OSBPL1A: variants seen among roughly 807,000 people sequenced by gnomAD.
OSBPL1A encodes oxysterol binding protein like 1A.
A neutral mutation model predicts 137.1 loss-of-function variants in OSBPL1A; 80 were observed. The ratio of observed to expected loss-of-function variants is 0.58; its 90% CI spans 0.49 to 0.70. The LOEUF (loss-of-function observed/expected upper bound fraction) is 0.70. OSBPL1A is among the 30% of genes least tolerant of loss of function. The pLI is 0.00. For synonymous variants in OSBPL1A, 365 were observed against 389.7 expected (o/e 0.94, Z 0.75); for missense variants, 970 against 1,129.4 (o/e 0.86, Z 2.02).
chr18:24,245,463 G>T (rs530573565), intron 15 of OSBPL1A, among the ~76,000 whole-genome samples: 8 of 152,218 alleles, frequency 5.3e-5, no homozygotes, highest in Non-Finnish European at 1.5e-5. Context: ...GTGCTTTTAG[G>T]TGACTCCCTG....
At chr18:24,294,312 A>T (rs1599628373) in intron 14 of OSBPL1A, among the ~76,000 whole-genome samples, 1 of 151,324 alleles carries the variant, frequency 6.6e-6, no homozygotes, top group African/African-American at 2.4e-5. Flanking sequence ...GCTCACTGCA[A>T]CCTCCTCCTC....
intron 18 of OSBPL1A, among the ~76,000 whole-genome samples, chr18:24,189,413 G>T (rs920446887): frequency 1.3e-5 from 2 of 152,140 alleles, no homozygotes; most frequent in Non-Finnish European, 2.9e-5. Flanking sequence ...GTGCTCCCCC[G>T]CGTGTGTGAC....
chr18:24,200,728 G>C (rs966608917), intron 17 of OSBPL1A, among the ~76,000 whole-genome samples: 2 of 151,906 alleles, frequency 1.3e-5, no homozygotes, highest in African/African-American at 4.8e-5. Context: ...ATAGCGTGGG[G>C]AACAAAAATT....
At chr18:24,196,222 A>G (rs2145945046) in intron 17 of OSBPL1A, 22 bp from the exon 18 acceptor site, 6 of 1,544,908 alleles carry the variant, frequency 3.9e-6, no homozygotes, top group Non-Finnish European at 5.3e-6. Flanking sequence ...AAAGAAAAAC[A>G]TAAAGTTCAT....
chr18:24,237,278 A>G (rs2088513441), intron 16 of OSBPL1A, among the ~76,000 whole-genome samples: 1 of 152,080 alleles, frequency 6.6e-6, no homozygotes, highest in Non-Finnish European at 1.5e-5. Context: ...TAGAACAAAC[A>G]TGGGGTTCTT....
At chr18:24,272,017 C>T (rs1463121367) in intron 15 of OSBPL1A, 7 of 981,668 alleles carry the variant, frequency 7.1e-6, no homozygotes, top group Non-Finnish European at 8.4e-6. Context: ...CGGGCGGCTC[C>T]CTGCGCGCGG....
intron 4 of OSBPL1A, among the ~76,000 whole-genome samples, chr18:24,351,785 C>T (rs762201073): frequency 2.3e-4 from 35 of 152,268 alleles, no homozygotes; most frequent in Non-Finnish European, 4.4e-4. Context: ...GGTGATCTGC[C>T]CATCTCAGCC....
chr18:24,173,726 T>C (rs566161453), intron 21 of OSBPL1A, among the ~76,000 whole-genome samples: 1 of 152,368 alleles, frequency 6.6e-6, no homozygotes, highest in African/African-American at 2.4e-5. Flanking sequence ...ATATTTGTCC[T>C]TAGATATGTG....
rs560376365 is a variant in OSBPL1A, at chr18:24,200,179, TA to T, written c.1602-3980del. Among the ~76,000 whole-genome samples the T allele has an allele frequency of 7.6e-3, 1,158 of 152,358 alleles. 10 individuals carry two copies. Among genetic ancestry groups the T allele is most frequent in the African/African-American group, 0.027 (1,118 of 41,576 alleles). On this transcript the variant is annotated intron_variant, in intron 17 of 27. Transcript: ENST00000319481. ...TTAGAGCATATCTCAATTAAGCTAC[TA>T]AACAGTTAACATGAAATCTAGTCTT...
intron 15 of OSBPL1A, chr18:24,272,051 C>T (rs919763035): frequency 1.1e-5 from 11 of 982,650 alleles, no homozygotes; most frequent in Middle Eastern, 1.0e-3. Context: ...GGCCGCTCCT[C>T]CCCTTCCCCA....
chr18:24,383,624 C>G (rs1275425699), intron 1 of OSBPL1A, among the ~76,000 whole-genome samples: 1 of 152,150 alleles, frequency 6.6e-6, no homozygotes, highest in Non-Finnish European at 1.5e-5. Context: ...GACATGGTGA[C>G]TCACCTGTAG....
intron 18 of OSBPL1A, among the ~76,000 whole-genome samples, chr18:24,191,795 T>C (rs183528409): frequency 2.6e-5 from 4 of 152,304 alleles, no homozygotes; most frequent in Non-Finnish European, 2.9e-5. Context: ...GGTATGCACA[T>C]GGCTTCTGGA....
rs1264173609 is a variant in OSBPL1A, at chr18:24,323,989, GAATAGTGCCGC to G, written c.626-5191_626-5181del. On this transcript the variant is annotated intron_variant, in intron 7 of 27. Transcript: ENST00000319481. Reference sequence around the variant, plus strand: ...GTTGGTTCCAAGTCTTTGCTATTGTGAATAGTGCCGCAATAAACATACGTGTGCATGTGTCT... The same window carrying G: ...GTTGGTTCCAAGTCTTTGCTATTGTGAATAAACATACGTGTGCATGTGTCT... Among the ~76,000 whole-genome samples, 2 of 66,130 alleles carry G rather than the reference GAATAGTGCCGC, an allele frequency of 3.0e-5. 1 individual carries two copies. Among genetic ancestry groups the G allele is most frequent in the Non-Finnish European group, 6.0e-5 (2 of 33,584 alleles). 43.4% of individuals were successfully genotyped at this position (66,130 alleles called of 152,430 possible). A position where few individuals can be genotyped will look rare whatever the true frequency, so the allele number is the denominator to read the frequency against.
chr18:24,238,676 C>T (rs1043972077), intron 16 of OSBPL1A, among the ~76,000 whole-genome samples: 2 of 152,218 alleles, frequency 1.3e-5, no homozygotes, highest in Non-Finnish European at 2.9e-5. Context: ...CTCTGGAGTC[C>T]ATGCTCCTTG....
chr18:24,305,835 A>G (rs1383955243), intron 13 of OSBPL1A, among the ~76,000 whole-genome samples: 1 of 152,126 alleles, frequency 6.6e-6, no homozygotes, highest in African/African-American at 2.4e-5. Context: ...ATGGTTTTAT[A>G]AAGGGGAGTT....
At chr18:24,356,329 C>A (rs1329973302) in intron 4 of OSBPL1A, among the ~76,000 whole-genome samples, 1 of 152,300 alleles carries the variant, frequency 6.6e-6, no homozygotes, top group Middle Eastern at 3.4e-3. Flanking sequence ...TTCCCCCGAC[C>A]ATTCCCAAAG....
chr18:24,327,398 TTTGA>T (rs1348023355), intron 7 of OSBPL1A, among the ~76,000 whole-genome samples: 1 of 151,998 alleles, frequency 6.6e-6, no homozygotes, highest in Non-Finnish European at 1.5e-5. Context: ...GCACCCAGCC[TTTGA>T]TTGATTGATT....
intron 1 of OSBPL1A, among the ~76,000 whole-genome samples, chr18:24,395,615 ATTT>A (rs75531106): frequency 7.1e-4 from 107 of 150,498 alleles, no homozygotes; most frequent in Middle Eastern, 6.8e-3. Flanking sequence ...GATGGGGAGA[ATTT>A]TTTTTTTTCT....
At position 24,374,788 on chromosome 18, in the gene OSBPL1A, C is replaced by T. The variant is rs28599810; in HGVS notation, c.121+2625G>A. On this transcript the variant is annotated intron_variant, in intron 2 of 27. Coordinates refer to ENST00000319481, the MANE Select transcript of OSBPL1A (RefSeq NM_080597.4). ...GCCAAGGAGCCTTACCTATGCCACA[C>T]GACACACTGAGAGACCTGAGTTTGA... Among the ~76,000 whole-genome samples, 1,246 of 152,222 alleles carry T rather than the reference C, an allele frequency of 8.2e-3. 12 individuals carry two copies. The highest frequency in any genetic ancestry group is 0.029 in the African/African-American group (1,208 of 41,526).
Sources: allele counts gnomAD v4.1 joint callset (sites outside exome capture counted in the v4.1 genomes callset), GRCh38; gene constraint gnomAD v4.1.1; transcripts MANE v1.5; gene names NCBI Gene and HGNC (gene_info 2026-07-23, HGNC 2026-07-21).